MAP3K13: variants seen among roughly 807,000 people sequenced by gnomAD.
MAP3K13 encodes leucine zipper-bearing kinase.
In MAP3K13, 52 loss-of-function variants were observed where a neutral mutation model predicts 104.0. The ratio of observed to expected loss-of-function variants is 0.50; its 90% CI spans 0.40 to 0.63. The LOEUF (loss-of-function observed/expected upper bound fraction) is 0.63, where lower values mean the gene tolerates loss of function less well. Among genes scored for constraint, MAP3K13 ranks in the 20% least tolerant of loss-of-function variants. MAP3K13 has a pLI of 0.00. For synonymous variants in MAP3K13, 394 were observed against 442.2 expected, an observed-to-expected ratio of 0.89 and a Z score of 1.37; for missense variants, 914 against 1,218.5, an observed-to-expected ratio of 0.75 and a Z score of 3.72.
chr3:185,473,894 T>C lies in MAP3K13; in HGVS notation c.2430+133T>C. ...AAGGACAAGATAACAGAAACATAAA[T>C]AGAAATTTATTTTACTTTAAATTCG... On this transcript the variant is annotated intron_variant, in intron 11 of 13. Coordinates refer to ENST00000265026, the MANE Select transcript of MAP3K13 (RefSeq NM_004721.5). This position sits in a 1 kb window ranked among gnomAD's most constrained non-coding sequence, Gnocchi z 4.9. 4 of 1,023,570 alleles carry C rather than the reference T, an allele frequency of 3.9e-6. No individual in the cohort carries two copies. The highest frequency in any genetic ancestry group is 5.6e-6 in the Non-Finnish European group (4 of 718,822). The allele number at this position is 1,023,570 out of a possible 1,614,324, so 63.4% of individuals were successfully genotyped here. A position where few individuals can be genotyped will look rare whatever the true frequency, so the allele number is the denominator to read the frequency against.
intron 2 of MAP3K13, among the ~76,000 whole-genome samples, chr3:185,294,011 AT>A (rs563280450): frequency 6.6e-6 from 1 of 151,492 alleles, no homozygotes; most frequent in Non-Finnish European, 1.5e-5. Flanking sequence ...TTGCTTTTTA[AT>A]TTTTTTTTAC....
At chr3:185,440,231 G>A (rs1668192801) in intron 3 of MAP3K13, among the ~76,000 whole-genome samples, 1 of 152,162 alleles carries the variant, frequency 6.6e-6, no homozygotes, top group Non-Finnish European at 1.5e-5. Context: ...AGTGATTATA[G>A]AGCTGTTATT....
At chr3:185,434,963 A>G (rs943091244) in intron 2 of MAP3K13, among the ~76,000 whole-genome samples, 6 of 151,976 alleles carry the variant, frequency 3.9e-5, no homozygotes, top group Admixed American at 3.9e-4. Flanking sequence ...TCAAAATGAC[A>G]CTGAGGTTTT....
chr3:185,344,521 A>T (rs1722842856), intron 2 of MAP3K13, among the ~76,000 whole-genome samples: 1 of 152,208 alleles, frequency 6.6e-6, no homozygotes. Context: ...TACCAAACTG[A>T]ATATGCACTT....
upstream of MAP3K13, among the ~76,000 whole-genome samples, chr3:185,358,484 G>C (rs1029332244): frequency 6.6e-6 from 1 of 152,108 alleles, no homozygotes; most frequent in East Asian, 1.9e-4. Flanking sequence ...TCTTCTAAGG[G>C]GTATTAGGCT....
intron 10 of MAP3K13, among the ~76,000 whole-genome samples, chr3:185,469,674 A>G (rs1717663039): frequency 6.6e-6 from 1 of 152,146 alleles, no homozygotes; most frequent in Non-Finnish European, 1.5e-5. Context: ...CTGCCTACTT[A>G]TGAGCTGTGG....
At chr3:185,361,803 G>T (rs1389379790), upstream of MAP3K13, among the ~76,000 whole-genome samples, 3 of 152,110 alleles carry the variant, frequency 2.0e-5, no homozygotes, top group African/African-American at 7.2e-5. Flanking sequence ...AACTTCTTTG[G>T]TCTATCTTTT....
Position 185,476,756 on chromosome 3 carries a change from T to TTA in MAP3K13, c.2431-562_2431-561dup, listed in dbSNP as rs1392192222. ...CTTTCTTTTAATTGACAAACAATAA[T>TTA]TATATATATTTATAGGGATAACACC... On this transcript the variant is annotated intron_variant, in intron 11 of 13. Transcript: ENST00000265026. 1.8e-4 allele frequency among the ~76,000 whole-genome samples: 28 copies of TTA among 152,270 alleles called. No individual in the cohort carries two copies. The East Asian group carries it at 3.1e-3, about 17-fold the overall frequency.
intron 1 of MAP3K13, among the ~76,000 whole-genome samples, chr3:185,389,068 G>A (rs192000437): frequency 6.6e-6 from 1 of 152,058 alleles, no homozygotes; most frequent in Non-Finnish European, 1.5e-5. Context: ...TGTTCTCTGC[G>A]TTAAACAAAA....
At chr3:185,469,816 C>T (rs1217483437) in intron 10 of MAP3K13, among the ~76,000 whole-genome samples, 3 of 152,166 alleles carry the variant, frequency 2.0e-5, no homozygotes, top group African/African-American at 7.2e-5. Context: ...TTGTATGTGC[C>T]TTCAAGTTTG....
chr3:185,360,818 CT>C (rs532196266), upstream of MAP3K13, among the ~76,000 whole-genome samples: 691 of 78,070 alleles, frequency 8.9e-3, no homozygotes, highest in African/African-American at 0.029. Flanking sequence ...ACAGCTTTAG[CT>C]TTTTTTTTTT....
At chr3:185,382,708 A>G (rs986494983) in intron 1 of MAP3K13, among the ~76,000 whole-genome samples, 3 of 152,120 alleles carry the variant, frequency 2.0e-5, no homozygotes, top group African/African-American at 7.2e-5. Context: ...GGTTGTTAAA[A>G]AAGAGCCTGG....
chr3:185,480,621 A>C, intron 13 of MAP3K13, 92 bp downstream of exon 13: 1 of 1,311,756 alleles, frequency 7.6e-7, no homozygotes, highest in Non-Finnish European at 1.0e-6. Context: ...TCATTTAATA[A>C]TAAGATACAA....
chr3:185,292,533 T>A, intron 2 of MAP3K13: 7 of 470,382 alleles, frequency 1.5e-5, no homozygotes, highest in Non-Finnish European at 1.9e-5. Flanking sequence ...AATCTAACAT[T>A]TTCCCCCCGG....
intron 1 of MAP3K13, among the ~76,000 whole-genome samples, chr3:185,420,749 T>C (rs1714071850): frequency 6.6e-6 from 1 of 152,266 alleles, no homozygotes; most frequent in Non-Finnish European, 1.5e-5. Flanking sequence ...AAATTTAAAA[T>C]CTGATCATTA....
At chr3:185,397,558 T>C (rs1001050801) in intron 1 of MAP3K13, among the ~76,000 whole-genome samples, 1 of 152,254 alleles carries the variant, frequency 6.6e-6, no homozygotes, top group Non-Finnish European at 1.5e-5. Flanking sequence ...GCTCTATAGA[T>C]AAACTTATTT....
chr3:185,309,959 A>C (rs1349064767), intron 2 of MAP3K13, among the ~76,000 whole-genome samples: 2 of 152,214 alleles, frequency 1.3e-5, no homozygotes, highest in East Asian at 3.9e-4. Flanking sequence ...AGATATCAGG[A>C]GAACAATGAG....
At chr3:185,328,005 G>A (rs1389365710) in intron 2 of MAP3K13, among the ~76,000 whole-genome samples, 2 of 150,876 alleles carry the variant, frequency 1.3e-5, no homozygotes, top group African/African-American at 4.9e-5. Flanking sequence ...AGGGAGGGAA[G>A]GAAGGAAGGA....
At chr3:185,288,950 C>T (rs1720635850) in intron 2 of MAP3K13, among the ~76,000 whole-genome samples, 1 of 152,066 alleles carries the variant, frequency 6.6e-6, no homozygotes, top group Non-Finnish European at 1.5e-5. Flanking sequence ...TCACTTTAAC[C>T]TGTAAAACAT....
Sources: gnomAD v4.1 joint callset for allele counts (sites outside exome capture counted in the v4.1 genomes callset) on GRCh38, gnomAD v4.1.1 for gene constraint, Gnocchi (gnomAD v3.1) non-coding constraint, MANE v1.5 for transcripts, NCBI Gene and HGNC (gene_info 2026-07-23, HGNC 2026-07-21) for gene names.